Variants in DLC1 observed in about 807,000 individuals in gnomAD.
DLC1 encodes DLC1 Rho GTPase activating protein.
A neutral mutation model predicts 140.3 loss-of-function variants in DLC1; 54 were observed. The observed-to-expected ratio is 0.38, with a 90% CI of 0.31 to 0.48. DLC1 has a LOEUF of 0.48. Among genes scored for constraint, DLC1 ranks in the 20% least tolerant of loss-of-function variants. DLC1 has a pLI of 0.96. For synonymous variants in DLC1, 986 were observed against 728.1 expected (o/e 1.35, Z -5.70); for missense variants, 2,536 against 1,907.0 (o/e 1.33, Z -6.14).
At chr8:13,546,996 C>G (rs1488643581) in intron 1 of DLC1, among the ~76,000 whole-genome samples, 1 of 152,112 alleles carries the variant, frequency 6.6e-6, no homozygotes, top group African/African-American at 2.4e-5. Flanking sequence ...TAATTACAAT[C>G]ATATGTTAAA....
intron 5 of DLC1, among the ~76,000 whole-genome samples, chr8:13,243,290 CAAAAAAA>C (rs56092434): frequency 1.8e-5 from 1 of 54,338 alleles, no homozygotes; most frequent in Non-Finnish European, 3.3e-5. Flanking sequence ...GACTCTGTCT[CAAAAAAA>C]AAAAAAAAAA....
chr8:13,193,127 C>T (rs568748729), intron 5 of DLC1, among the ~76,000 whole-genome samples: 2 of 152,238 alleles, frequency 1.3e-5, no homozygotes, highest in South Asian at 4.2e-4. Flanking sequence ...ATGGAGAGAC[C>T]TCTCAATCTT....
At chr8:13,313,645 A>G (rs1433195360) in intron 4 of DLC1, among the ~76,000 whole-genome samples, 3 of 152,164 alleles carry the variant, frequency 2.0e-5, no homozygotes, top group Admixed American at 1.3e-4. Flanking sequence ...ATTTATTCGG[A>G]AATAATGCAA....
chr8:13,343,111 GC>G (rs1834154648), intron 4 of DLC1, among the ~76,000 whole-genome samples: 2 of 152,136 alleles, frequency 1.3e-5, no homozygotes, highest in South Asian at 4.1e-4. Context: ...TGTGAAACAG[GC>G]GCACTTGTGA....
chr8:13,560,813 A>G (rs1003045744), intron 1 of DLC1, among the ~76,000 whole-genome samples: 1 of 152,016 alleles, frequency 6.6e-6, no homozygotes, highest in African/African-American at 2.4e-5. Context: ...ACAGGCATGG[A>G]GGGAGAACAT....
intron 4 of DLC1, among the ~76,000 whole-genome samples, chr8:13,362,653 A>AG (rs1040263082): frequency 1.1e-4 from 17 of 152,168 alleles, no homozygotes; most frequent in African/African-American, 4.1e-4. Flanking sequence ...ACTATAAACA[A>AG]GGGGGGTGTG....
At chr8:13,451,952 C>T (rs1415123102) in intron 2 of DLC1, among the ~76,000 whole-genome samples, 8 of 152,058 alleles carry the variant, frequency 5.3e-5, no homozygotes, top group Admixed American at 5.2e-4. Context: ...CCAAACTGTT[C>T]TCCATAGTGG....
intron 1 of DLC1, among the ~76,000 whole-genome samples, chr8:13,595,582 A>G (rs971340898): frequency 2.0e-5 from 3 of 152,074 alleles, no homozygotes; most frequent in Admixed American, 6.6e-5. Flanking sequence ...TAAGGGAAAA[A>G]GTGAGGAACA....
At chr8:13,572,722 T>C (rs1003705070) in intron 1 of DLC1, among the ~76,000 whole-genome samples, 3 of 152,188 alleles carry the variant, frequency 2.0e-5, no homozygotes, top group South Asian at 2.1e-4. Context: ...TCCCATATGA[T>C]TGTTGAAGAT....
chr8:13,130,066 GC>G (rs1821951104), intron 5 of DLC1, among the ~76,000 whole-genome samples: 1 of 152,156 alleles, frequency 6.6e-6, no homozygotes, highest in African/African-American at 2.4e-5. Context: ...TACTCTGGAT[GC>G]CCCCACTCTT....
chr8:13,291,022 C>T (rs1297610275), intron 5 of DLC1, among the ~76,000 whole-genome samples: 2 of 152,212 alleles, frequency 1.3e-5, no homozygotes, highest in Non-Finnish European at 2.9e-5. Context: ...ATTCTCCAGC[C>T]TCAGCCTCCC....
At chr8:13,555,495 A>T (rs929661575) in intron 1 of DLC1, among the ~76,000 whole-genome samples, 4 of 151,756 alleles carry the variant, frequency 2.6e-5, no homozygotes, top group African/African-American at 4.8e-5. Context: ...ATTTTTTTAA[A>T]TTTTTTATTT....
intron 1 of DLC1, among the ~76,000 whole-genome samples, chr8:13,547,512 T>C (rs1803694138): frequency 6.6e-6 from 1 of 152,064 alleles, no homozygotes; most frequent in Non-Finnish European, 1.5e-5. Context: ...ACCAGGATAA[T>C]GATTCTCTAC....
intron 4 of DLC1, among the ~76,000 whole-genome samples, chr8:13,307,651 C>T (rs1056998459): frequency 6.6e-6 from 1 of 152,136 alleles, no homozygotes; most frequent in South Asian, 2.1e-4. Flanking sequence ...AAGTTGGTGA[C>T]AGGTAATTAA....
intron 5 of DLC1, among the ~76,000 whole-genome samples, chr8:13,206,783 A>G (rs972172314): frequency 2.0e-5 from 3 of 152,150 alleles, no homozygotes; most frequent in African/African-American, 7.2e-5. Flanking sequence ...GAGTGGCCAC[A>G]AACACCATTT....
intron 5 of DLC1, among the ~76,000 whole-genome samples, chr8:13,175,853 T>C (rs1006992340): frequency 1.3e-5 from 2 of 152,238 alleles, no homozygotes; most frequent in Non-Finnish European, 2.9e-5. Context: ...AACTCCCTCC[T>C]GCTTTCCTTC....
At chr8:13,445,725 T>C (rs1185932799) in intron 2 of DLC1, among the ~76,000 whole-genome samples, 2 of 152,060 alleles carry the variant, frequency 1.3e-5, no homozygotes, top group Non-Finnish European at 2.9e-5. Flanking sequence ...ACAACAGCTG[T>C]AGGAGAAAGA....
At chr8:13,554,496 C>T (rs1038219586) in intron 1 of DLC1, among the ~76,000 whole-genome samples, 12 of 152,148 alleles carry the variant, frequency 7.9e-5, no homozygotes, top group African/African-American at 2.7e-4. Context: ...GTAAAATTTC[C>T]AAAAGCTACA....
At chr8:13,527,667 T>C (rs1802961925) in intron 1 of DLC1, among the ~76,000 whole-genome samples, 1 of 152,148 alleles carries the variant, frequency 6.6e-6, no homozygotes. Flanking sequence ...GTTATTTTGG[T>C]AAATGCACTG....
Sources: gnomAD v4.1 joint callset for allele counts (sites outside exome capture counted in the v4.1 genomes callset) on GRCh38, gnomAD v4.1.1 for gene constraint, MANE v1.5 for transcripts, NCBI Gene and HGNC (gene_info 2026-07-23, HGNC 2026-07-21) for gene names.